DOCK2: variants seen among roughly 807,000 people sequenced by gnomAD.
DOCK2 encodes the protein dedicator of cytokinesis protein 2.
A neutral mutation model predicts 248.9 loss-of-function variants in DOCK2; 87 were observed. The observed-to-expected ratio is 0.35, with a 90% CI of 0.29 to 0.42. The LOEUF is 0.42. DOCK2 is among the 10% of genes least tolerant of loss of function. The pLI is 1.00. For missense variants in DOCK2, 1,747 were observed against 2,300.2 expected (o/e 0.76, Z 4.92); for synonymous variants, 805 against 821.6 (o/e 0.98, Z 0.35).
rs574348615 is a variant in DOCK2 at position 169,744,975 on chromosome 5, G to C, written c.2268-2421G>C. 7.7e-4 allele frequency among the ~76,000 whole-genome samples: 118 copies of C among 152,314 alleles called. 1 individual carries two copies. Among genetic ancestry groups the C allele is most frequent in the African/African-American group, 2.7e-3 (113 of 41,572 alleles). ...GTAAATGATTGGGAAGCCAGGTCGGGATGTTAAATGTGGGTGGGAGACACA... is the reference window on the plus strand; with the variant it reads ...GTAAATGATTGGGAAGCCAGGTCGGCATGTTAAATGTGGGTGGGAGACACA... On this transcript the variant is annotated intron_variant, in intron 22 of 51. Transcript: ENST00000520908.
At chr5:169,940,808 C>T (rs1257796922) in intron 27 of DOCK2, among the ~76,000 whole-genome samples, 1 of 152,240 alleles carries the variant, frequency 6.6e-6, no homozygotes, top group African/African-American at 2.4e-5. Flanking sequence ...CACTCACTTC[C>T]TGCTGTGCAG....
At chr5:169,738,722 A>G in intron 22 of DOCK2, among the ~76,000 whole-genome samples, 1 of 152,228 alleles carries the variant, frequency 6.6e-6, no homozygotes, top group East Asian at 1.9e-4. Context: ...CTCTTTGACA[A>G]TAGAAGCCAG....
At chr5:170,027,633 G>A (rs771224301) in intron 33 of DOCK2, among the ~76,000 whole-genome samples, 2 of 151,964 alleles carry the variant, frequency 1.3e-5, no homozygotes, top group African/African-American at 4.8e-5. Flanking sequence ...TCTCTCGCAC[G>A]TGCTCTCTCT....
intron 9 of DOCK2, among the ~76,000 whole-genome samples, chr5:169,690,143 AG>A (rs1760207994): frequency 6.6e-6 from 1 of 151,566 alleles, no homozygotes; most frequent in Non-Finnish European, 1.5e-5. Flanking sequence ...GAGAATCTCA[AG>A]TGATTCTCCT....
chr5:170,065,914 T>A (rs916424118), intron 44 of DOCK2, among the ~76,000 whole-genome samples: 1 of 151,102 alleles, frequency 6.6e-6, no homozygotes, highest in South Asian at 2.1e-4. Context: ...AGACTGAAAG[T>A]GAAGGGATGG....
intron 25 of DOCK2, among the ~76,000 whole-genome samples, chr5:169,778,246 T>C (rs1274031775): frequency 6.6e-6 from 1 of 152,202 alleles, no homozygotes; most frequent in Non-Finnish European, 1.5e-5. Flanking sequence ...AGGGCTGTTA[T>C]GATCACCTCT....
chr5:169,712,295 A>G (rs886322483), intron 17 of DOCK2, 72 bp downstream of exon 17: 15 of 1,374,894 alleles, frequency 1.1e-5, no homozygotes, highest in Non-Finnish European at 1.3e-5. Flanking sequence ...AAAATTGCTT[A>G]GTGGTCAACA....
At chr5:169,670,439 C>A in intron 3 of DOCK2, 103 bp from the exon 4 acceptor site, 1 of 1,326,582 alleles carries the variant, frequency 7.5e-7, no homozygotes, top group Non-Finnish European at 1.0e-6. Context: ...ATTTTATAAG[C>A]CAGTAGCTTT....
chr5:169,654,551 G>C, intron 2 of DOCK2, 65 bp downstream of exon 2: 1 of 1,566,816 alleles, frequency 6.4e-7, no homozygotes, highest in East Asian at 2.2e-5. Flanking sequence ...AGTACACCCA[G>C]GCCCCTCAGC....
At chr5:170,056,960 T>C in intron 43 of DOCK2, 192 bp downstream of exon 43, 1 of 586,796 alleles carries the variant, frequency 1.7e-6, no homozygotes. Context: ...TTGAGCCTTT[T>C]TCCCCTTAAT....
intron 27 of DOCK2, among the ~76,000 whole-genome samples, chr5:169,938,990 G>A (rs907216288): frequency 2.7e-5 from 4 of 149,038 alleles, no homozygotes; most frequent in Non-Finnish European, 4.4e-5. Context: ...TGCAAGCTCC[G>A]CCTCCTGGGT....
At chr5:169,829,940 C>T (rs1561742886) in intron 26 of DOCK2, among the ~76,000 whole-genome samples, 1 of 152,198 alleles carries the variant, frequency 6.6e-6, no homozygotes, top group Non-Finnish European at 1.5e-5. Flanking sequence ...ACTGGAGATG[C>T]AGGTCCCTTG....
intron 26 of DOCK2, among the ~76,000 whole-genome samples, chr5:169,835,976 G>C (rs1769555379): frequency 6.6e-6 from 1 of 152,230 alleles, no homozygotes; most frequent in South Asian, 2.1e-4. Flanking sequence ...GGCTGATCTT[G>C]AACTCATGGG....
chr5:169,780,296 TG>T (rs1554100097), intron 25 of DOCK2, among the ~76,000 whole-genome samples: 2 of 32,396 alleles, frequency 6.2e-5, no homozygotes, highest in Admixed American at 3.6e-4. Flanking sequence ...ACCCAATAAA[TG>T]TGTGTGTGTG....
intron 30 of DOCK2, among the ~76,000 whole-genome samples, chr5:170,006,551 TA>T (rs200512457): frequency 0.012 from 1,766 of 152,240 alleles, 19 homozygotes; most frequent in Middle Eastern, 0.075. Flanking sequence ...TGATGTGTTT[TA>T]AAAGGTTCTT....
At chr5:169,703,372 A>G (rs1761086323) in intron 14 of DOCK2, among the ~76,000 whole-genome samples, 1 of 152,152 alleles carries the variant, frequency 6.6e-6, no homozygotes, top group South Asian at 2.1e-4. Flanking sequence ...AGTATGACAC[A>G]TTTCCTTTAT....
chr5:169,967,630 A>T (rs995502225), intron 27 of DOCK2, among the ~76,000 whole-genome samples: 2 of 152,158 alleles, frequency 1.3e-5, no homozygotes, highest in Admixed American at 1.3e-4. Context: ...TAGGATTGAG[A>T]TTTAGTCTCA....
chr5:170,045,833 A>G lies in DOCK2; in HGVS notation c.3894A>G (p.Ile1298Met), dbSNP rs956444477. The G allele has an allele frequency of 1.2e-6, 2 of 1,613,970 alleles. No homozygotes were observed. The highest frequency in any genetic ancestry group is 1.7e-5 in the Admixed American group (1 of 60,000). ...TCCTGTAGATGTGGGAAGAGGCCAT[A>G]AGTCTGTGCAAGGAGCTGGCGGAAC... ...FDKGKMWEEA[I>M]SLCKELAEQY... Residue 1298 changes from isoleucine to methionine, a missense_variant, in exon 39 of 52, where the codon ATA (isoleucine) becomes ATG (methionine). Physicochemically the swap from Ile to Met is conservative, Grantham distance 10. This residue lies in a region of DOCK2 where 858 missense variants were observed against 1,183.5 expected (regional missense o/e 0.72). Transcript: ENST00000520908.
chr5:169,795,416 GAGGCTCGCC>G (rs1472098004), intron 25 of DOCK2, among the ~76,000 whole-genome samples: 1 of 152,182 alleles, frequency 6.6e-6, no homozygotes, highest in East Asian at 1.9e-4. Flanking sequence ...GATGGCGCCG[GAGGCTCGCC>G]AGAGGGCTGC....
Sources: allele counts gnomAD v4.1 joint callset (sites outside exome capture counted in the v4.1 genomes callset), GRCh38; gene constraint gnomAD v4.1.1; regional missense constraint gnomAD v4.1.1; transcripts MANE v1.5; gene names NCBI Gene and HGNC (gene_info 2026-07-23, HGNC 2026-07-21).